CTNND2: variants seen among roughly 807,000 people sequenced by gnomAD.
CTNND2 encodes the protein catenin delta 2.
In CTNND2, 22 loss-of-function variants were observed where a neutral mutation model predicts 144.4. The ratio of observed to expected loss-of-function variants is 0.15; its 90% confidence interval spans 0.11 to 0.22. The LOEUF is 0.22. Ranked by LOEUF, CTNND2 falls within the 10% of genes least tolerant of loss-of-function variation. The probability of loss-of-function intolerance (pLI) is 1.00; values close to 1 mark genes in which losing one functional copy is unlikely to be tolerated. For synonymous variants in CTNND2, 751 were observed against 695.6 expected, an observed-to-expected ratio of 1.08 and a Z score of -1.25; for missense variants, 1,353 against 1,618.8, an observed-to-expected ratio of 0.84 and a Z score of 2.82.
intron 9 of CTNND2, among the ~76,000 whole-genome samples, chr5:11,250,658 A>G (rs1743530588): frequency 6.6e-6 from 1 of 151,372 alleles, no homozygotes; most frequent in Non-Finnish European, 1.5e-5. Context: ...CTAGTACTAC[A>G]GGCACGCACC....
intron 1 of CTNND2, among the ~76,000 whole-genome samples, chr5:11,820,917 T>C (rs1044580127): frequency 6.6e-6 from 1 of 152,216 alleles, no homozygotes; most frequent in African/African-American, 2.4e-5. Flanking sequence ...AAATTATTTT[T>C]AAAGATAAAT....
At chr5:11,829,643 G>C (rs887698547) in intron 1 of CTNND2, among the ~76,000 whole-genome samples, 1 of 152,234 alleles carries the variant, frequency 6.6e-6, no homozygotes, top group African/African-American at 2.4e-5. Flanking sequence ...TGGATGTCCA[G>C]GCAGTAGTTT....
At chr5:11,676,744 C>G (rs1313599121) in intron 2 of CTNND2, among the ~76,000 whole-genome samples, 1 of 152,008 alleles carries the variant, frequency 6.6e-6, no homozygotes, top group African/African-American at 2.4e-5. Flanking sequence ...TGAGTCATTC[C>G]TCTTTGGTGC....
At chr5:11,754,334 C>T (rs1788789601) in intron 1 of CTNND2, among the ~76,000 whole-genome samples, 1 of 146,544 alleles carries the variant, frequency 6.8e-6, no homozygotes, top group African/African-American at 2.5e-5. Flanking sequence ...TTTCTCTTAA[C>T]AATGTTTTAG....
chr5:11,286,974 T>C (rs1747822240), intron 9 of CTNND2, among the ~76,000 whole-genome samples: 1 of 152,122 alleles, frequency 6.6e-6, no homozygotes, highest in Non-Finnish European at 1.5e-5. Flanking sequence ...ATCCATGCAA[T>C]GGAACACTAC....
chr5:11,082,585 T>C (rs1715265527), intron 16 of CTNND2, 111 bp downstream of exon 16: 2 of 1,263,992 alleles, frequency 1.6e-6, no homozygotes, highest in Non-Finnish European at 2.2e-6. Flanking sequence ...TGCTAATAAA[T>C]GCACGGCTTC....
chr5:11,611,515 T>C (rs894039258), intron 2 of CTNND2, among the ~76,000 whole-genome samples: 2 of 152,168 alleles, frequency 1.3e-5, no homozygotes, highest in African/African-American at 2.4e-5. Flanking sequence ...CAGTGGCTCA[T>C]GCCTGTAATC....
At chr5:11,184,302 A>G (rs1294871222) in intron 11 of CTNND2, among the ~76,000 whole-genome samples, 2 of 152,240 alleles carry the variant, frequency 1.3e-5, no homozygotes, top group African/African-American at 2.4e-5. Context: ...ACTGTTAAGT[A>G]TATCTGGAAA....
At chr5:11,862,240 T>A (rs1220061189) in intron 1 of CTNND2, among the ~76,000 whole-genome samples, 1 of 152,222 alleles carries the variant, frequency 6.6e-6, no homozygotes, top group Non-Finnish European at 1.5e-5. Flanking sequence ...TACTAGAAAT[T>A]TTCCATTTAA....
chr5:11,815,232 G>T (rs1427952363), intron 1 of CTNND2, among the ~76,000 whole-genome samples: 1 of 152,078 alleles, frequency 6.6e-6, no homozygotes. Flanking sequence ...AGAGAAATTA[G>T]AAGTTTCTGT....
At chr5:11,506,234 C>T (rs923309408) in intron 3 of CTNND2, among the ~76,000 whole-genome samples, 2 of 152,184 alleles carry the variant, frequency 1.3e-5, no homozygotes, top group Non-Finnish European at 2.9e-5. Context: ...AGCATCAGAC[C>T]ACCTCGGTTC....
At position 11,796,838 on chromosome 5, in the gene CTNND2, A is replaced by G. The variant is rs559176376; in HGVS notation, c.38-64566T>C. Among the ~76,000 whole-genome samples, 17 of 152,346 alleles carry G rather than the reference A, an allele frequency of 1.1e-4. No individual in the cohort carries two copies. In the South Asian group the frequency reaches 3.3e-3, roughly 30 times the overall value. Reference sequence around the variant, plus strand: ...GAAAATATATTGCTGCTAAAAATTAATAGTTACAGAAATTGTGAAAAGCTC... The same window carrying G: ...GAAAATATATTGCTGCTAAAAATTAGTAGTTACAGAAATTGTGAAAAGCTC... On this transcript the variant is annotated intron_variant, in intron 1 of 21. Coordinates refer to ENST00000304623, the MANE Select transcript of CTNND2 (RefSeq NM_001332.4).
chr5:11,448,681 AT>A (rs1177902600), intron 3 of CTNND2, among the ~76,000 whole-genome samples: 1 of 152,046 alleles, frequency 6.6e-6, no homozygotes, highest in African/African-American at 2.4e-5. Context: ...AAACATATAT[AT>A]TTTTTGAACA....
chr5:11,726,087 T>A lies in CTNND2; in HGVS notation c.174+6049A>T, dbSNP rs115476350. On this transcript the variant is annotated intron_variant, in intron 2 of 21. Coordinates refer to ENST00000304623, the MANE Select transcript of CTNND2 (RefSeq NM_001332.4). ...TTTTCCAAGCGAATTTTTAAGAGTC[T>A]TGAATCTTTTTTTTTCAAACCTTTG... is the stretch of plus-strand genomic sequence containing the variant. Among the ~76,000 whole-genome samples the A allele has an allele frequency of 3.6e-3, 545 of 152,308 alleles. 4 individuals are homozygous for A. The highest frequency in any genetic ancestry group is 4.7e-3 in the Non-Finnish European group (319 of 68,020).
intron 1 of CTNND2, among the ~76,000 whole-genome samples, chr5:11,790,746 A>G (rs1372647410): frequency 2.6e-5 from 4 of 152,190 alleles, no homozygotes; most frequent in East Asian, 1.9e-4. Flanking sequence ...ATTGGCATTT[A>G]TTTACAAAAT....
intron 10 of CTNND2, among the ~76,000 whole-genome samples, chr5:11,200,596 A>AC (rs1285131008): frequency 6.6e-6 from 1 of 152,212 alleles, no homozygotes; most frequent in Non-Finnish European, 1.5e-5. Context: ...TTTTTTGATT[A>AC]CAGAAAAACT....
At chr5:11,702,440 T>C (rs1785489428) in intron 2 of CTNND2, among the ~76,000 whole-genome samples, 1 of 152,218 alleles carries the variant, frequency 6.6e-6, no homozygotes, top group South Asian at 2.1e-4. Context: ...AGACAGTTCT[T>C]GTTTTATTGT....
intron 3 of CTNND2, among the ~76,000 whole-genome samples, chr5:11,536,621 A>G (rs1774237702): frequency 6.6e-6 from 1 of 152,210 alleles, no homozygotes; most frequent in Non-Finnish European, 1.5e-5. Flanking sequence ...GAAGTAACTC[A>G]GGAATGGAAA....
intron 3 of CTNND2, among the ~76,000 whole-genome samples, chr5:11,496,708 A>G (rs917795515): frequency 6.6e-6 from 1 of 152,166 alleles, no homozygotes; most frequent in South Asian, 2.1e-4. Context: ...GCATCTATTG[A>G]TGCATTATAT....
Sources: gnomAD v4.1 joint callset for allele counts (sites outside exome capture counted in the v4.1 genomes callset) on GRCh38, gnomAD v4.1.1 for gene constraint, MANE v1.5 for transcripts, NCBI Gene and HGNC (gene_info 2026-07-23, HGNC 2026-07-21) for gene names.